Variants in ARHGEF26 observed in about 807,000 individuals in gnomAD.
The protein encoded by ARHGEF26 is Rho guanine nucleotide exchange factor (GEF) 26.
ARHGEF26 carries 59 observed loss-of-function variants against 89.4 expected under a neutral mutation model. The ratio of observed to expected loss-of-function variants is 0.66; its 90% CI spans 0.54 to 0.82. The LOEUF is 0.82. ARHGEF26 is among the 40% of genes least tolerant of loss of function. The pLI, the probability that ARHGEF26 is intolerant of heterozygous loss-of-function variation, is 0.00. For missense variants in ARHGEF26, 1,234 were observed against 1,085.6 expected, an observed-to-expected ratio of 1.14 and a Z score of -1.92; for synonymous variants, 500 against 428.4, an observed-to-expected ratio of 1.17 and a Z score of -2.06.
intron 6 of ARHGEF26, chr3:154,187,221 GGT>G (rs1055287625): frequency 4.1e-6 from 4 of 984,122 alleles, no homozygotes; most frequent in Middle Eastern, 5.2e-4. Flanking sequence ...CATTTATTTA[GGT>G]GTTTTGCTCA....
Position 154,253,128 on chromosome 3 carries a change from C to A in ARHGEF26, c.2313C>A (p.Ala771=). The change falls in exon 13 of 15, where the codon GCC becomes GCA. Residue 771 remains alanine (A), a synonymous_variant. Coordinates refer to ENST00000465093, the MANE Select transcript of ARHGEF26 (RefSeq NM_015595.4). ...LLGAETQSER[A]RWITALGHSS... ...CCCTCTGTTTTAGGAGCGAGCGAGC[C>A]CGCTGGATAACTGCCCTGGGACACA... The A allele has an allele frequency of 6.2e-7, 1 of 1,613,958 alleles. No individual in the cohort carries two copies. Among genetic ancestry groups the A allele is most frequent in the East Asian group, 2.2e-5 (1 of 44,876 alleles).
intron 9 of ARHGEF26, among the ~76,000 whole-genome samples, chr3:154,204,277 GT>G (rs35166669): frequency 0.29 from 41,634 of 141,204 alleles, 7,230 homozygotes; most frequent in Non-Finnish European, 0.4. Context: ...TTTATTATTT[GT>G]TTTCTACCAA....
intron 11 of ARHGEF26, among the ~76,000 whole-genome samples, chr3:154,231,301 G>A (rs1716809834): frequency 6.6e-6 from 1 of 152,138 alleles, no homozygotes; most frequent in Non-Finnish European, 1.5e-5. Flanking sequence ...CCCTGCATCT[G>A]TAAGGAGAGT....
In ARHGEF26 at chr3:154,257,025, A is replaced by C. The variant is rs933847328; in HGVS notation, c.*1552A>C. Reference sequence around the variant, plus strand: ...AACCTGGCAAAGTGTACATTATTGGAGGACTCAAATCTGTATGTGACATGT... The same window carrying C: ...AACCTGGCAAAGTGTACATTATTGGCGGACTCAAATCTGTATGTGACATGT... On this transcript the variant is annotated 3_prime_UTR_variant, in exon 15 of 15. Transcript: ENST00000465093. The C allele has an allele frequency of 6.8e-7, 1 of 1,474,046 alleles. No individual in the cohort carries two copies. Among genetic ancestry groups the C allele is most frequent in the Non-Finnish European group, 8.9e-7 (1 of 1,119,350 alleles). The allele number at this position is 1,474,046 out of a possible 1,614,324, so 91.3% of individuals were successfully genotyped here.
chr3:154,164,748 C>A (rs1711898843), intron 6 of ARHGEF26, among the ~76,000 whole-genome samples: 1 of 152,150 alleles, frequency 6.6e-6, no homozygotes, highest in Admixed American at 6.6e-5. Context: ...GCTTCTACTT[C>A]TTATTCTCTT....
chr3:154,210,398 C>T (rs1048102288), intron 9 of ARHGEF26, among the ~76,000 whole-genome samples: 1 of 152,080 alleles, frequency 6.6e-6, no homozygotes, highest in Non-Finnish European at 1.5e-5. Flanking sequence ...TTCTTCAAGG[C>T]AGCAGGTTCC....
intron 9 of ARHGEF26, among the ~76,000 whole-genome samples, chr3:154,208,851 C>T (rs1462954419): frequency 1.3e-5 from 2 of 151,116 alleles, no homozygotes; most frequent in African/African-American, 2.4e-5. Flanking sequence ...CTGCAACCTC[C>T]GCCTACCGGA....
chr3:154,202,801 T>TTTGA, intron 9 of ARHGEF26, among the ~76,000 whole-genome samples: 1 of 140,538 alleles, frequency 7.1e-6, no homozygotes, highest in Non-Finnish European at 1.6e-5. Context: ...TGGCTCTCTG[T>TTTGA]CTGTTATTGG....
chr3:154,241,857 C>G (rs956475798), intron 12 of ARHGEF26, among the ~76,000 whole-genome samples: 2 of 152,164 alleles, frequency 1.3e-5, no homozygotes, highest in African/African-American at 4.8e-5. Context: ...TGAATCTTAT[C>G]AGATATTGAG....
intron 9 of ARHGEF26, among the ~76,000 whole-genome samples, chr3:154,203,167 C>A (rs539393248): frequency 6.6e-6 from 1 of 152,050 alleles, no homozygotes; most frequent in Non-Finnish European, 1.5e-5. Flanking sequence ...TTTAGAGATA[C>A]GTCCCATTGA....
intron 9 of ARHGEF26, among the ~76,000 whole-genome samples, chr3:154,199,007 A>T (rs752328591): frequency 6.6e-6 from 1 of 152,112 alleles, no homozygotes; most frequent in Non-Finnish European, 1.5e-5. Context: ...TGAAATAAGC[A>T]CATCATGGAG....
At chr3:154,213,600 C>A (rs765272339) in intron 9 of ARHGEF26, among the ~76,000 whole-genome samples, 9 of 152,048 alleles carry the variant, frequency 5.9e-5, no homozygotes, top group Non-Finnish European at 1.0e-4. Flanking sequence ...AATAAGATAA[C>A]CCAAACTTAA....
At chr3:154,226,851 G>T (rs1716527219) in intron 11 of ARHGEF26, among the ~76,000 whole-genome samples, 3 of 152,142 alleles carry the variant, frequency 2.0e-5, no homozygotes, top group African/African-American at 7.2e-5. Context: ...GGGAAATGAT[G>T]GTGGCCTGAA....
In ARHGEF26 at chr3:154,218,032, C is replaced by T; in HGVS notation, c.1935+74C>T. 2.3e-6 allele frequency: 3 copies of T among 1,294,454 alleles called. No individual in the cohort carries two copies. In the East Asian group the frequency reaches 7.6e-5, roughly 33 times the overall value. 80.2% of individuals were successfully genotyped at this position (1,294,454 alleles called of 1,614,324 possible). A position where few individuals can be genotyped will look rare whatever the true frequency, so the allele number is the denominator to read the frequency against. On this transcript the variant is annotated intron_variant, in intron 10 of 14. Coordinates refer to ENST00000465093, the MANE Select transcript of ARHGEF26 (RefSeq NM_015595.4). ...AATAGAGAGAGACAGTTGAGGGCAACAAAGTAGATAGGAAATTGCTTTTCA... is the reference window on the plus strand; with the variant it reads ...AATAGAGAGAGACAGTTGAGGGCAATAAAGTAGATAGGAAATTGCTTTTCA...
intron 12 of ARHGEF26, among the ~76,000 whole-genome samples, chr3:154,245,785 T>A (rs1354983909): frequency 6.6e-6 from 1 of 152,230 alleles, no homozygotes; most frequent in East Asian, 1.9e-4. Context: ...TTCTCCAGAT[T>A]AATTCAGTGG....
chr3:154,199,063 T>C (rs936387974), intron 9 of ARHGEF26, among the ~76,000 whole-genome samples: 1 of 152,060 alleles, frequency 6.6e-6, no homozygotes, highest in Non-Finnish European at 1.5e-5. Flanking sequence ...GAGTTAAAAA[T>C]AATTCAGTTA....
At chr3:154,142,063 C>T (rs1719416861) in intron 4 of ARHGEF26, among the ~76,000 whole-genome samples, 1 of 152,004 alleles carries the variant, frequency 6.6e-6, no homozygotes, top group Admixed American at 6.6e-5. Flanking sequence ...GGACAGAATG[C>T]CAAAGTGAAT....
rs1022416595 is a variant in ARHGEF26 at position 154,256,879 on chromosome 3, A to C, written c.*1406A>C. 46 of 1,535,044 alleles carry C rather than the reference A, an allele frequency of 3.0e-5. No individual in the cohort carries two copies. The highest frequency in any genetic ancestry group is 3.8e-5 in the Non-Finnish European group (44 of 1,146,608). On this transcript the variant is annotated 3_prime_UTR_variant, in exon 15 of 15. Coordinates refer to ENST00000465093, the MANE Select transcript of ARHGEF26 (RefSeq NM_015595.4). ...ACTTTTTCCACTAGTGCACAGAGAG[A>C]GAAAGGTTATCTTAATAGTCGGTTT...
intron 14 of ARHGEF26, 132 bp downstream of exon 14, chr3:154,254,956 T>A: frequency 1.3e-6 from 1 of 758,368 alleles, no homozygotes; most frequent in Non-Finnish European, 2.2e-6. Flanking sequence ...CACATATATG[T>A]ACTGTCTTCT....
Sources: gnomAD v4.1 joint callset for allele counts (sites outside exome capture counted in the v4.1 genomes callset) on GRCh38, gnomAD v4.1.1 for gene constraint, MANE v1.5 for transcripts, NCBI Gene and HGNC (gene_info 2026-07-23, HGNC 2026-07-21) for gene names.